Variants in C2CD3 observed in about 807,000 individuals in gnomAD.
C2CD3 encodes C2 domain containing 3 centriole elongation regulator.
C2CD3 carries 148 observed loss-of-function variants against 234.0 expected under a neutral mutation model. The observed-to-expected ratio is 0.63, with a 90% CI of 0.55 to 0.72. The LOEUF (loss-of-function observed/expected upper bound fraction) is 0.72, where lower values mean the gene tolerates loss of function less well. Ranked by LOEUF, C2CD3 falls within the 30% of genes least tolerant of loss-of-function variation. C2CD3 has a pLI of 0.00. For synonymous variants in C2CD3, 1,000 were observed against 1,035.4 expected, an observed-to-expected ratio of 0.97 and a Z score of 0.66; for missense variants, 2,577 against 2,811.5, an observed-to-expected ratio of 0.92 and a Z score of 1.89.
chr11:74,059,385 T>G (rs994225412), intron 24 of C2CD3, among the ~76,000 whole-genome samples: 5 of 120,436 alleles, frequency 4.2e-5, no homozygotes, highest in Admixed American at 1.2e-4. Context: ...CACTCCAGCC[T>G]GGGTGACAGA....
chr11:74,080,501 G>A lies in C2CD3; in HGVS notation c.4001-1784C>T, dbSNP rs114972063. ...TATGCCCCCCAAAATAAACAAATAT[G>A]TGTAGACACAAAATTTCACGCCATT... On this transcript the variant is annotated intron_variant, in intron 22 of 32. Transcript: ENST00000334126. 4.3e-3 allele frequency among the ~76,000 whole-genome samples: 648 copies of A among 152,272 alleles called. 3 individuals carry two copies. The highest frequency in any genetic ancestry group is 0.015 in the African/African-American group (626 of 41,554).
chr11:74,022,498 G>C (rs1565202463), intron 32 of C2CD3, among the ~76,000 whole-genome samples: 2 of 152,172 alleles, frequency 1.3e-5, no homozygotes, highest in African/African-American at 4.8e-5. Flanking sequence ...ATAAGGATTT[G>C]AGAGTCATTC....
At position 74,085,838 on chromosome 11, in the gene C2CD3, C is replaced by A. The variant is rs1401294541; in HGVS notation, c.3690G>T (p.Gly1230=). The A allele has an allele frequency of 6.2e-7, 1 of 1,613,870 alleles. No individual in the cohort carries two copies. The highest frequency in any genetic ancestry group is 8.5e-7 in the Non-Finnish European group (1 of 1,179,986). ...EPALQFSATV[G]VNASVTTHLS... ...GATGAGTGGTGACAGAGGCATTGAC[C>A]CCGACTGTGGCACTAAACTGTAGAG... Residue 1230 remains glycine (G), a synonymous_variant, in exon 21 of 33, where the codon GGG becomes GGT. Transcript: ENST00000334126.
intron 3 of C2CD3, among the ~76,000 whole-genome samples, chr11:74,150,516 CAAAAAAA>C (rs1162306851): frequency 6.1e-5 from 4 of 65,988 alleles, no homozygotes; most frequent in Admixed American, 2.1e-4. Context: ...AAAAAAAAAA[CAAAAAAA>C]AAACAAAACA....
At chr11:74,102,212 G>A (rs1299447726) in intron 14 of C2CD3, among the ~76,000 whole-genome samples, 2 of 152,146 alleles carry the variant, frequency 1.3e-5, no homozygotes, top group Non-Finnish European at 2.9e-5. Flanking sequence ...ATTATAATTT[G>A]AATTAGGGCA....
chr11:74,092,325 G>A (rs1462093570), intron 19 of C2CD3, 91 bp downstream of exon 19: 1 of 1,208,914 alleles, frequency 8.3e-7, no homozygotes, highest in Non-Finnish European at 1.2e-6. Flanking sequence ...AAAGTGCTGG[G>A]ATTAGAGGTG....
At chr11:74,035,662 T>C (rs773609341) in intron 30 of C2CD3, among the ~76,000 whole-genome samples, 5 of 151,946 alleles carry the variant, frequency 3.3e-5, no homozygotes, top group Admixed American at 6.6e-5. Flanking sequence ...AAAAACAGCA[T>C]ACTGAGGCAT....
At chr11:74,054,447 G>A (rs1029330291) in intron 26 of C2CD3, among the ~76,000 whole-genome samples, 160 bp downstream of exon 26, 3 of 145,454 alleles carry the variant, frequency 2.1e-5, no homozygotes, top group African/African-American at 7.5e-5. Context: ...CCTTCTGGGG[G>A]ATTACCCTCT....
chr11:74,144,495 T>A (rs1038886969), intron 3 of C2CD3, among the ~76,000 whole-genome samples: 1 of 152,176 alleles, frequency 6.6e-6, no homozygotes, highest in African/African-American at 2.4e-5. Flanking sequence ...GCAGATTTGT[T>A]ATATAGGTAA....
At chr11:74,169,497 A>G (rs1857018538) in intron 1 of C2CD3, among the ~76,000 whole-genome samples, 1 of 152,060 alleles carries the variant, frequency 6.6e-6, no homozygotes, top group African/African-American at 2.4e-5. Flanking sequence ...AAGAAAATAT[A>G]TGGAATGTAT....
At chr11:74,122,636 C>G (rs1372431701) in intron 8 of C2CD3, among the ~76,000 whole-genome samples, 1 of 152,224 alleles carries the variant, frequency 6.6e-6, no homozygotes, top group Non-Finnish European at 1.5e-5. Flanking sequence ...ATATTTTTAA[C>G]AGATACCAGT....
intron 3 of C2CD3, among the ~76,000 whole-genome samples, chr11:74,161,107 C>G (rs1268364003): frequency 6.6e-6 from 1 of 151,942 alleles, no homozygotes; most frequent in Admixed American, 6.5e-5. Flanking sequence ...AGAATTATAA[C>G]TGTACAATGA....
In C2CD3 at chr11:74,037,497, T is replaced by C. The variant is rs1173297640; in HGVS notation, c.5862A>G (p.Gln1954=). The C allele has an allele frequency of 6.2e-7, 1 of 1,613,952 alleles. No homozygotes were observed. Among genetic ancestry groups the C allele is most frequent in the Non-Finnish European group, 8.5e-7 (1 of 1,179,846 alleles). The change falls in exon 30 of 33, where the codon CAA becomes CAG. Residue 1954 remains glutamine, a synonymous_variant. Coordinates refer to ENST00000334126, the MANE Select transcript of C2CD3 (RefSeq NM_001286577.2). ...ILEKSSNLVL[Q]VSSLITDLQT... ...TCATACCTGTGATTAAGGAGCTGACTTGCAACACCAGGTTACTGGATTTCT... is the reference window on the plus strand; with the variant it reads ...TCATACCTGTGATTAAGGAGCTGACCTGCAACACCAGGTTACTGGATTTCT...
chr11:74,141,770 G>A (rs142879991), intron 3 of C2CD3, among the ~76,000 whole-genome samples: 199 of 152,142 alleles, frequency 1.3e-3, no homozygotes, highest in African/African-American at 4.6e-3. Context: ...AGGGGTAGGA[G>A]GATTGCTTGA....
In C2CD3 at chr11:74,139,635, G is replaced by C; in HGVS notation, c.677C>G (p.Ala226Gly). 6.2e-7 allele frequency: 1 copy of C among 1,613,812 alleles called. No homozygotes were observed. The highest frequency in any genetic ancestry group is 2.2e-5 in the East Asian group (1 of 44,876). ...AGTGGTTGATCTACTGCTGTTGGCTGCTAACTCTTTTCCATCAATTTTGAT... is the reference window on the plus strand; with the variant it reads ...AGTGGTTGATCTACTGCTGTTGGCTCCTAACTCTTTTCCATCAATTTTGAT... ...HTIKIDGKEL[A>G]ANSSRSTTPR... Residue 226 changes from alanine to glycine, a missense_variant, in exon 4 of 33, where the codon GCA (alanine) becomes GGA (glycine). Transcript: ENST00000334126.
At position 74,078,313 on chromosome 11, in the gene C2CD3, C is replaced by T. The variant is rs1955165708; in HGVS notation, c.4405G>A (p.Ala1469Thr). 6.2e-7 allele frequency: 1 copy of T among 1,614,124 alleles called. No homozygotes were observed. The highest frequency in any genetic ancestry group is 2.2e-5 in the East Asian group (1 of 44,878). Reference protein sequence around the residue: ...NKKQIMVTFKASKRAEVTRGP... With the variant: ...NKKQIMVTFKTSKRAEVTRGP... The stretch of plus-strand genomic sequence containing the variant: ...CTGGTGACTTCTGCTCTTTTGGATG[C>T]CTTGAAAGTGACCATAATCTGCTTT... The change falls in exon 23 of 33, where the codon GCA becomes ACA. Residue 1469 changes from alanine (A) to threonine (T), a missense_variant. Physicochemically the swap from Ala to Thr is moderately conservative, Grantham distance 58. Coordinates refer to ENST00000334126, the MANE Select transcript of C2CD3 (RefSeq NM_001286577.2).
intron 22 of C2CD3, among the ~76,000 whole-genome samples, chr11:74,084,430 A>T (rs1484748915): frequency 1.1e-5 from 1 of 93,556 alleles, no homozygotes; most frequent in Admixed American, 9.5e-5. Flanking sequence ...CTTAAAGTAT[A>T]ATAAAAAAAA....
chr11:74,167,154 G>A (rs1486596592), intron 2 of C2CD3, among the ~76,000 whole-genome samples: 2 of 152,110 alleles, frequency 1.3e-5, no homozygotes, highest in East Asian at 3.9e-4. Context: ...GTAAATGTTC[G>A]GATGCCAAGT....
At chr11:74,100,965 T>C (rs763466237) in intron 14 of C2CD3, among the ~76,000 whole-genome samples, 1 of 152,176 alleles carries the variant, frequency 6.6e-6, no homozygotes, top group African/African-American at 2.4e-5. Flanking sequence ...TCAAACATGG[T>C]GCCTGCCAAA....
Sources: allele counts gnomAD v4.1 joint callset (sites outside exome capture counted in the v4.1 genomes callset), GRCh38; gene constraint gnomAD v4.1.1; transcripts MANE v1.5; gene names NCBI Gene and HGNC (gene_info 2026-07-23, HGNC 2026-07-21).